FHIT: variants seen among roughly 807,000 people sequenced by gnomAD.
The protein encoded by FHIT is bis(5'-adenosyl)-triphosphatase.
A neutral mutation model predicts 17.9 loss-of-function variants in FHIT; 19 were observed. The ratio of observed to expected loss-of-function variants is 1.06; its 90% CI spans 0.74 to 1.56. The LOEUF (loss-of-function observed/expected upper bound fraction) is 1.56. FHIT is among the 40% of genes most tolerant of loss of function. The probability of loss-of-function intolerance (pLI) is 0.00; values close to 1 mark genes in which losing one functional copy is unlikely to be tolerated. For missense variants in FHIT, 248 were observed against 189.2 expected, an observed-to-expected ratio of 1.31 and a Z score of -1.82; for synonymous variants, 81 against 69.7, an observed-to-expected ratio of 1.16 and a Z score of -0.81.
At chr3:60,910,831 T>G (rs75842399) in intron 3 of FHIT, among the ~76,000 whole-genome samples, 2 of 152,162 alleles carry the variant, frequency 1.3e-5, no homozygotes, top group Admixed American at 6.5e-5. Context: ...GAGAGACAGT[T>G]GTGAAGATAC....
chr3:60,049,903 A>G (rs1701803208), intron 5 of FHIT, among the ~76,000 whole-genome samples: 3 of 152,184 alleles, frequency 2.0e-5, no homozygotes, highest in Non-Finnish European at 4.4e-5. Context: ...ATTCTTTACC[A>G]TATCAAACAA....
intron 5 of FHIT, among the ~76,000 whole-genome samples, chr3:60,354,485 G>A (rs148181908): frequency 3.9e-5 from 6 of 152,162 alleles, no homozygotes; most frequent in Non-Finnish European, 7.4e-5. Context: ...AGCCAACCCA[G>A]TCTGAAGAAA....
chr3:60,200,398 A>G (rs968331171), intron 5 of FHIT, among the ~76,000 whole-genome samples: 1 of 152,186 alleles, frequency 6.6e-6, no homozygotes, highest in Non-Finnish European at 1.5e-5. Context: ...GCAGACCACT[A>G]CAATTTCTAG....
chr3:60,025,632 C>T (rs1273097880), intron 5 of FHIT, among the ~76,000 whole-genome samples: 1 of 151,664 alleles, frequency 6.6e-6, no homozygotes, highest in Non-Finnish European at 1.5e-5. Context: ...ATGTCTCCTC[C>T]AACAAAGGCA....
chr3:60,650,411 G>A (rs1221765016), intron 4 of FHIT, among the ~76,000 whole-genome samples: 1 of 152,064 alleles, frequency 6.6e-6, no homozygotes, highest in African/African-American at 2.4e-5. Context: ...AAGTGAGCTA[G>A]CCAGGACTAA....
intron 2 of FHIT, among the ~76,000 whole-genome samples, chr3:61,186,090 T>A (rs1441812752): frequency 6.6e-6 from 1 of 152,222 alleles, no homozygotes; most frequent in Non-Finnish European, 1.5e-5. Flanking sequence ...ATTATCACCA[T>A]CACTACTTCT....
intron 2 of FHIT, among the ~76,000 whole-genome samples, chr3:61,164,731 T>G (rs2037787876): frequency 6.6e-6 from 1 of 152,158 alleles, no homozygotes. Context: ...GGAGTACAAA[T>G]GATCCTGTCA....
intron 5 of FHIT, among the ~76,000 whole-genome samples, chr3:60,363,765 C>T (rs1699998729): frequency 6.6e-6 from 1 of 152,130 alleles, no homozygotes; most frequent in East Asian, 1.9e-4. Flanking sequence ...CCCCCCTGGC[C>T]CCCCTGGCTT....
At position 61,211,461 on chromosome 3, in the gene FHIT, C is replaced by T. The variant is rs572473963; in HGVS notation, c.-212-10796G>A. Among the ~76,000 whole-genome samples the T allele has an allele frequency of 1.4e-3, 218 of 152,282 alleles. 1 individual carries two copies. The highest frequency in any genetic ancestry group is 2.3e-3 in the Non-Finnish European group (158 of 68,024). ...GCAGCGAGGCTGGGGGAGGGGCGCC[C>T]GCCATTGCCCAGGCTTGCTTAGGTA... On this transcript the variant is annotated intron_variant, in intron 1 of 9. Coordinates refer to ENST00000492590, the MANE Select transcript of FHIT (RefSeq NM_002012.4).
intron 4 of FHIT, among the ~76,000 whole-genome samples, chr3:60,736,774 G>A (rs533811324): frequency 6.6e-6 from 1 of 152,238 alleles, no homozygotes; most frequent in African/African-American, 2.4e-5. Context: ...ATTATAAACG[G>A]ATAAACATTG....
At chr3:60,057,597 G>T (rs1702131134) in intron 5 of FHIT, among the ~76,000 whole-genome samples, 1 of 151,858 alleles carries the variant, frequency 6.6e-6, no homozygotes, top group South Asian at 2.1e-4. Context: ...TAGTTTTTTG[G>T]ATAGACGTAG....
At chr3:60,242,196 A>G (rs1439099446) in intron 5 of FHIT, among the ~76,000 whole-genome samples, 1 of 152,188 alleles carries the variant, frequency 6.6e-6, no homozygotes, top group Non-Finnish European at 1.5e-5. Flanking sequence ...TAATGAAAAC[A>G]ATCTTACAGC....
At chr3:60,927,524 C>T (rs1707697451) in intron 3 of FHIT, among the ~76,000 whole-genome samples, 1 of 151,652 alleles carries the variant, frequency 6.6e-6, no homozygotes. Context: ...GCCTTCACCC[C>T]GTGTAGGAAG....
At chr3:60,058,983 G>T (rs763473903) in intron 5 of FHIT, among the ~76,000 whole-genome samples, 1 of 151,206 alleles carries the variant, frequency 6.6e-6, no homozygotes. Flanking sequence ...CATAGGAACC[G>T]AGTGAGTAAG....
chr3:59,934,055 G>A (rs1706105011), intron 7 of FHIT, among the ~76,000 whole-genome samples: 3 of 152,096 alleles, frequency 2.0e-5, no homozygotes, highest in South Asian at 4.2e-4. Flanking sequence ...CTCTCCAGTT[G>A]AGCATTCTTT....
chr3:60,086,805 C>A (rs1461636692), intron 5 of FHIT, among the ~76,000 whole-genome samples: 1 of 152,196 alleles, frequency 6.6e-6, no homozygotes, highest in Non-Finnish European at 1.5e-5. Context: ...TAGCTGCTTT[C>A]CTTGGTTGGA....
At chr3:59,813,998 A>C (rs1174327276) in intron 8 of FHIT, among the ~76,000 whole-genome samples, 1 of 151,714 alleles carries the variant, frequency 6.6e-6, no homozygotes, top group East Asian at 1.9e-4. Context: ...GACAATTCTA[A>C]AAGGACGGAT....
At chr3:61,103,755 A>G (rs1301851759) in intron 2 of FHIT, among the ~76,000 whole-genome samples, 1 of 152,110 alleles carries the variant, frequency 6.6e-6, no homozygotes, top group Non-Finnish European at 1.5e-5. Flanking sequence ...GGGTGCATAT[A>G]TATTTAGGAG....
intron 3 of FHIT, among the ~76,000 whole-genome samples, chr3:60,895,572 T>C (rs1053863997): frequency 6.6e-6 from 1 of 152,170 alleles, no homozygotes; most frequent in Non-Finnish European, 1.5e-5. Flanking sequence ...TTTCTAACTC[T>C]ATTATTTCTT....
Sources: gnomAD v4.1 joint callset for allele counts (sites outside exome capture counted in the v4.1 genomes callset) on GRCh38, gnomAD v4.1.1 for gene constraint, MANE v1.5 for transcripts, NCBI Gene and HGNC (gene_info 2026-07-23, HGNC 2026-07-21) for gene names.